Variants in WWOX observed in about 807,000 individuals in gnomAD.
WWOX encodes WW domain-containing oxidoreductase.
WWOX carries 69 observed loss-of-function variants against 46.2 expected under a neutral mutation model. The observed-to-expected ratio is 1.49, with a 90% CI of 1.23 to 1.82. WWOX has a LOEUF of 1.82. Among genes scored for constraint, WWOX ranks in the 40% most tolerant of loss-of-function variants. The pLI, the probability that WWOX is intolerant of heterozygous loss-of-function variation, is 0.00. For synonymous variants in WWOX, 359 were observed against 202.6 expected, an observed-to-expected ratio of 1.77 and a Z score of -6.56; for missense variants, 919 against 542.6, an observed-to-expected ratio of 1.69 and a Z score of -6.89.
intron 5 of WWOX, among the ~76,000 whole-genome samples, chr16:78,373,773 T>A (rs550741571): frequency 6.6e-6 from 1 of 152,226 alleles, no homozygotes; most frequent in Non-Finnish European, 1.5e-5. Context: ...TTTCTTATTT[T>A]TAAACTTTTC....
In WWOX at chr16:79,212,264, A is replaced by G. The variant is rs1340908340; in HGVS notation, c.*468A>G. 5.8e-5 allele frequency: 74 copies of G among 1,282,550 alleles called. No homozygotes were observed. Among genetic ancestry groups the G allele is most frequent in the Non-Finnish European group, 7.4e-5 (71 of 962,460 alleles). The allele number at this position is 1,282,550 out of a possible 1,614,324, so 79.4% of individuals were successfully genotyped here. A position where few individuals can be genotyped will look rare whatever the true frequency, so the allele number is the denominator to read the frequency against. On this transcript the variant is annotated 3_prime_UTR_variant, in exon 9 of 9. Transcript: ENST00000566780. ...CATTGATCCAGGAGATAATTGTTTC[A>G]TTCATCCTGACCAAGACTGAGCCAG...
At chr16:78,925,588 G>C (rs187830335) in intron 8 of WWOX, among the ~76,000 whole-genome samples, 12 of 152,208 alleles carry the variant, frequency 7.9e-5, no homozygotes, top group Non-Finnish European at 2.9e-5. Flanking sequence ...TAGTATTACA[G>C]GGAGGAGATG....
intron 5 of WWOX, among the ~76,000 whole-genome samples, chr16:78,331,927 G>A (rs953118147): frequency 3.9e-5 from 6 of 152,172 alleles, no homozygotes; most frequent in African/African-American, 1.4e-4. Context: ...TGCCAACAGG[G>A]AGAAGTTGGA....
Position 78,338,404 on chromosome 16 carries a change from C to T in WWOX, c.517-48456C>T, listed in dbSNP as rs1376177865. Among the ~76,000 whole-genome samples, 4 of 120,660 alleles carry T rather than the reference C, an allele frequency of 3.3e-5. 1 individual carries two copies. Among genetic ancestry groups the T allele is most frequent in the South Asian group, 4.9e-4 (2 of 4,046 alleles). 79.2% of individuals were successfully genotyped at this position (120,660 alleles called of 152,430 possible). On this transcript the variant is annotated intron_variant, in intron 5 of 8. Transcript: ENST00000566780. ...TGTAAAGTGTGCAATATTATCCTTG[C>T]AAAATTGTCTGTTTATTTTTTTTGC...
intron 5 of WWOX, among the ~76,000 whole-genome samples, chr16:78,325,445 G>C (rs991011751): frequency 1.3e-5 from 2 of 152,122 alleles, no homozygotes; most frequent in African/African-American, 4.8e-5. Context: ...ACTGGTGATA[G>C]TCCATTAGTG....
At chr16:78,259,354 T>C (rs972758568) in intron 5 of WWOX, among the ~76,000 whole-genome samples, 16 of 152,166 alleles carry the variant, frequency 1.1e-4, no homozygotes, top group African/African-American at 3.9e-4. Flanking sequence ...TGAGACAGAG[T>C]CTTGCTCTGT....
At chr16:78,605,325 A>G (rs112341517) in intron 8 of WWOX, among the ~76,000 whole-genome samples, 8 of 151,664 alleles carry the variant, frequency 5.3e-5, no homozygotes, top group African/African-American at 1.9e-4. Flanking sequence ...CATGTCTTAT[A>G]TAATCAATAT....
Position 78,233,410 on chromosome 16 carries a change from T to A in WWOX, c.516+69121T>A, listed in dbSNP as rs1189826727. On this transcript the variant is annotated intron_variant, in intron 5 of 8. Transcript: ENST00000566780. ...TTGACTATAGGTAAAACAGGACATT[T>A]TTAACGTGCTGTGGTGGCCTATTGG... is the stretch of plus-strand genomic sequence containing the variant. Among the ~76,000 whole-genome samples, 3 of 152,276 alleles carry A rather than the reference T, an allele frequency of 2.0e-5. No homozygotes were observed. The East Asian group carries it at 5.8e-4, about 29-fold the overall frequency.
intron 8 of WWOX, among the ~76,000 whole-genome samples, chr16:78,465,844 G>A (rs1036909606): frequency 1.3e-5 from 2 of 152,010 alleles, no homozygotes; most frequent in Non-Finnish European, 2.9e-5. Context: ...ATTCTGTTGG[G>A]CTTGACTTAT....
chr16:78,816,734 T>C (rs2051340553), intron 8 of WWOX, among the ~76,000 whole-genome samples: 1 of 152,118 alleles, frequency 6.6e-6, no homozygotes, highest in Non-Finnish European at 1.5e-5. Context: ...GAGCAATTGC[T>C]GTGAAGAAAC....
At chr16:78,807,777 T>C (rs977332603) in intron 8 of WWOX, among the ~76,000 whole-genome samples, 13 of 152,236 alleles carry the variant, frequency 8.5e-5, no homozygotes, top group African/African-American at 3.1e-4. Context: ...GTTTGTCTGA[T>C]ACGGTAGCCA....
intron 8 of WWOX, chr16:78,525,442 C>T (rs1045756232): frequency 6.6e-6 from 1 of 152,168 alleles, no homozygotes; most frequent in Admixed American, 6.5e-5. Flanking sequence ...GCCTTGGCCT[C>T]CCAAAGTGCT....
chr16:78,656,916 G>T (rs1426153333), intron 8 of WWOX, among the ~76,000 whole-genome samples: 1 of 152,164 alleles, frequency 6.6e-6, no homozygotes, highest in African/African-American at 2.4e-5. Flanking sequence ...GAAGGCTGTC[G>T]ATACACCGCT....
intron 8 of WWOX, among the ~76,000 whole-genome samples, chr16:78,594,429 G>GCCCCCCCCCCCCCCCCCCCC (rs138806967): frequency 2.8e-4 from 9 of 32,380 alleles, no homozygotes; most frequent in Non-Finnish European, 3.7e-4. Flanking sequence ...CTGAGGAAAG[G>GCCCCCCCCCCCCCCCCCCCC]CCCCCCCCCC....
intron 8 of WWOX, among the ~76,000 whole-genome samples, chr16:78,766,387 G>C (rs543603015): frequency 2.0e-3 from 302 of 152,258 alleles, no homozygotes; most frequent in South Asian, 3.9e-3. Flanking sequence ...TTGAGGCTAT[G>C]GCTTCAAAAC....
At chr16:79,038,059 C>T (rs2047901961) in intron 8 of WWOX, among the ~76,000 whole-genome samples, 1 of 152,182 alleles carries the variant, frequency 6.6e-6, no homozygotes, top group South Asian at 2.1e-4. Context: ...TTAGCATTCT[C>T]TCGGCTTCCC....
chr16:78,169,687 C>G (rs1171685256), intron 5 of WWOX, among the ~76,000 whole-genome samples: 1 of 151,878 alleles, frequency 6.6e-6, no homozygotes, highest in Non-Finnish European at 1.5e-5. Context: ...AAACTCTGGT[C>G]CTGTGGAAGA....
chr16:78,676,132 G>T (rs972704555), intron 8 of WWOX, among the ~76,000 whole-genome samples: 4 of 143,296 alleles, frequency 2.8e-5, no homozygotes, highest in East Asian at 3.9e-4. Flanking sequence ...CAACCAGACT[G>T]AGAGCCCCCA....
intron 4 of WWOX, among the ~76,000 whole-genome samples, chr16:78,144,520 TATA>T (rs1403757683): frequency 0.024 from 635 of 26,252 alleles, 51 homozygotes; most frequent in East Asian, 0.11. Flanking sequence ...TATATATATA[TATA>T]TTTTTTTTTT....
Sources: allele counts gnomAD v4.1 joint callset (sites outside exome capture counted in the v4.1 genomes callset), GRCh38; gene constraint gnomAD v4.1.1; transcripts MANE v1.5; gene names NCBI Gene and HGNC (gene_info 2026-07-23, HGNC 2026-07-21).